Variants in BOP1 observed in about 807,000 individuals in gnomAD.
BOP1 encodes the protein BOP1 ribosomal biogenesis factor, also known as ribosome biogenesis protein BOP1.
A neutral mutation model predicts 82.9 loss-of-function variants in BOP1; 54 were observed. The ratio of observed to expected loss-of-function variants is 0.65; its 90% CI spans 0.52 to 0.82. BOP1 has a LOEUF of 0.82. Among genes scored for constraint, BOP1 ranks in the 40% least tolerant of loss-of-function variants. The pLI is 0.00. For missense variants in BOP1, 1,170 were observed against 1,072.0 expected, an observed-to-expected ratio of 1.09 and a Z score of -1.28; for synonymous variants, 566 against 451.1, an observed-to-expected ratio of 1.25 and a Z score of -3.23.
rs782409110 is a variant in BOP1 at position 144,263,129 on chromosome 8, C to T, written c.1618G>A (p.Val540Met). 1.0e-5 allele frequency: 16 copies of T among 1,593,720 alleles called. No homozygotes were observed. The highest frequency in any genetic ancestry group is 1.3e-5 in the African/African-American group (1 of 74,800). ...RICHGKPVTQVTWHGRGDYLA... is the reference protein window; with the variant it reads ...RICHGKPVTQMTWHGRGDYLA... ...TAGTCCCCACGCCCGTGCCAGGTCA[C>T]CTGCGTCACTGGCTGCAGGAGAGCA... The change falls in exon 13 of 16, where the codon GTG becomes ATG. Residue 540 changes from valine (V) to methionine (M), a missense_variant. By Grantham distance (21) the Val-to-Met change is conservative (BLOSUM62 1). Coordinates refer to ENST00000569669, the MANE Select transcript of BOP1 (RefSeq NM_015201.5).
intron 3 of BOP1, among the ~76,000 whole-genome samples, chr8:144,267,505 T>C (rs1845403622): frequency 6.6e-6 from 1 of 152,290 alleles, no homozygotes; most frequent in East Asian, 1.9e-4. Flanking sequence ...CCCTTTTCAG[T>C]AAGTTGAAAG....
chr8:144,276,570 G>A (rs1225808232), intron 2 of BOP1, among the ~76,000 whole-genome samples: 1 of 152,158 alleles, frequency 6.6e-6, no homozygotes, highest in Non-Finnish European at 1.5e-5. Flanking sequence ...GCTGACACGG[G>A]TGTCAGGCTA....
intron 3 of BOP1, chr8:144,267,965 C>T: frequency 7.4e-7 from 1 of 1,346,378 alleles, no homozygotes; most frequent in Non-Finnish European, 1.0e-6. Flanking sequence ...CCCCAAAACG[C>T]TTGAGGGAAG....
intron 3 of BOP1, among the ~76,000 whole-genome samples, chr8:144,275,108 G>A (rs1437739663): frequency 2.0e-5 from 3 of 152,086 alleles, no homozygotes; most frequent in Non-Finnish European, 2.9e-5. Context: ...GGAAGAACCT[G>A]GGGGGAGGGG....
intron 3 of BOP1, among the ~76,000 whole-genome samples, chr8:144,269,886 G>A (rs1387163975): frequency 6.6e-6 from 1 of 152,200 alleles, no homozygotes; most frequent in Admixed American, 6.5e-5. Context: ...CCAGGAGCAT[G>A]GCCAGGCCGG....
Position 144,291,423 on chromosome 8 carries a change from G to C in BOP1, c.-53C>G. Reference sequence around the variant, plus strand: ...CACAGCCGCTTCCGACAGCGACCGGGCCGCGTGCGCAGGAGGACGCGCCCC... The same window carrying C: ...CACAGCCGCTTCCGACAGCGACCGGCCCGCGTGCGCAGGAGGACGCGCCCC... On this transcript the variant is annotated 5_prime_UTR_variant, in exon 1 of 16. Transcript: ENST00000569669. The surrounding 1 kb of genome is among the most constrained non-coding windows in gnomAD (Gnocchi z 4.1). The C allele has an allele frequency of 9.3e-7, 1 of 1,072,450 alleles. No homozygotes were observed. The highest frequency in any genetic ancestry group is 1.1e-6 in the Non-Finnish European group (1 of 878,856). 66.4% of individuals were successfully genotyped at this position (1,072,450 alleles called of 1,614,324 possible).
chr8:144,270,693 T>C (rs993751311), intron 3 of BOP1, among the ~76,000 whole-genome samples: 6 of 151,912 alleles, frequency 3.9e-5, no homozygotes, highest in African/African-American at 1.4e-4. Context: ...CCCACCCGAA[T>C]CCACTCGTAG....
intron 2 of BOP1, among the ~76,000 whole-genome samples, chr8:144,277,154 C>T (rs1845579845): frequency 6.6e-6 from 1 of 152,166 alleles, no homozygotes; most frequent in African/African-American, 2.4e-5. Context: ...CGAAGGCGGG[C>T]ACGCCCCCGC....
intron 3 of BOP1, among the ~76,000 whole-genome samples, chr8:144,269,876 C>G (rs1449797813): frequency 1.3e-5 from 2 of 152,172 alleles, no homozygotes; most frequent in Non-Finnish European, 2.9e-5. Context: ...CAGGGTGGAC[C>G]CAGGAGCATG....
rs1379213483 is a variant in BOP1, at chr8:144,263,203, C to G, written c.1605+18G>C. On this transcript the variant is annotated intron_variant, in intron 12 of 15. Coordinates refer to ENST00000569669, the MANE Select transcript of BOP1 (RefSeq NM_015201.5). The stretch of plus-strand genomic sequence containing the variant: ...GGCCCCTCCCGCTGCAGCCTCACCC[C>G]CAAGGCGCCCCACGTACCTTCCCGT... The G allele has an allele frequency of 3.1e-6, 5 of 1,593,744 alleles. No homozygotes were observed. The highest frequency in any genetic ancestry group is 2.2e-5 in the East Asian group (1 of 44,758).
chr8:144,276,782 A>G (rs1845573658), intron 2 of BOP1, among the ~76,000 whole-genome samples: 1 of 152,210 alleles, frequency 6.6e-6, no homozygotes, highest in Non-Finnish European at 1.5e-5. Context: ...CAGCAGGGTC[A>G]CTGGGGCCAA....
At chr8:144,276,501 C>G (rs1157504231) in intron 2 of BOP1, among the ~76,000 whole-genome samples, 197 bp from the exon 3 acceptor site, 2 of 152,210 alleles carry the variant, frequency 1.3e-5, no homozygotes, top group Non-Finnish European at 2.9e-5. Flanking sequence ...GCAGGTCCTG[C>G]CCACGGCCCT....
At position 144,262,109 on chromosome 8, in the gene BOP1, G is replaced by A. The variant is rs1845194243; in HGVS notation, c.*55C>T. On this transcript the variant is annotated 3_prime_UTR_variant, in exon 16 of 16. Transcript: ENST00000569669. ...AGGTGGGAGCACCAGGCAGCACAGG[G>A]TAAAGGCTCTGTTGACTTCAGCACG... 6.2e-7 allele frequency: 1 copy of A among 1,609,096 alleles called. No individual in the cohort carries two copies. The highest frequency in any genetic ancestry group is 8.5e-7 in the Non-Finnish European group (1 of 1,179,162).
At chr8:144,268,459 A>C (rs1273274775) in intron 3 of BOP1, 1 of 523,232 alleles carries the variant, frequency 1.9e-6, no homozygotes, top group Non-Finnish European at 3.4e-6. Flanking sequence ...TGTATAATTA[A>C]AAACAAAACA....
At position 144,276,310 on chromosome 8, in the gene BOP1, G is replaced by A; in HGVS notation, c.310-6C>T. 1 of 1,452,370 alleles carries A rather than the reference G, an allele frequency of 6.9e-7. No homozygotes were observed. The highest frequency in any genetic ancestry group is 1.2e-5 in the South Asian group (1 of 85,876). 90.0% of individuals were successfully genotyped at this position (1,452,370 alleles called of 1,614,324 possible). A position where few individuals can be genotyped will look rare whatever the true frequency, so the allele number is the denominator to read the frequency against. On this transcript the variant is annotated splice_polypyrimidine_tract_variant and splice_region_variant and intron_variant, in intron 2 of 15. Transcript: ENST00000569669. Reference sequence around the variant, plus strand: ...CTCGGGCAAGGAGTGCTGGCCTGCAGAGAGAGAGAGAAAATGGTCACTTCA... The same window carrying A: ...CTCGGGCAAGGAGTGCTGGCCTGCAAAGAGAGAGAGAAAATGGTCACTTCA...
In BOP1 at chr8:144,264,010, A is replaced by G. The variant is rs1845299801; in HGVS notation, c.1111T>C (p.Tyr371His). 1 of 1,609,116 alleles carries G rather than the reference A, an allele frequency of 6.2e-7. No individual in the cohort carries two copies. Among genetic ancestry groups the G allele is most frequent in the East Asian group, 2.2e-5 (1 of 44,900 alleles). ...ATCTTGCGCTGCCGTGGGCACAGGT[A>G]CAGGTCAAGGCAGCGCTCGAAGCGT... Reference protein sequence around the residue: ...QERFERCLDLYLCPRQRKMRV... With the variant: ...QERFERCLDLHLCPRQRKMRV... Residue 371 changes from tyrosine (Y) to histidine (H), a missense_variant, in exon 8 of 16, where the codon TAC becomes CAC. Tyr to His is a moderately conservative substitution (Grantham distance 83). Coordinates refer to ENST00000569669, the MANE Select transcript of BOP1 (RefSeq NM_015201.5).
intron 2 of BOP1, among the ~76,000 whole-genome samples, chr8:144,277,218 T>C (rs1189622697): frequency 2.0e-5 from 3 of 152,092 alleles, no homozygotes; most frequent in Admixed American, 2.0e-4. Context: ...TGCCTGTTTT[T>C]TCCTTCAATA....
At position 144,291,163 on chromosome 8, in the gene BOP1, G is replaced by A; in HGVS notation, c.99+109C>T. On this transcript the variant is annotated intron_variant, in intron 1 of 15. Transcript: ENST00000569669. The surrounding 1 kb of genome is among the most constrained non-coding windows in gnomAD (Gnocchi z 4.1). ...CACCCACGCCCAAGACCGATTCACTGGGCGCGGGCGCCCAGGTGACAGAAG... is the reference window on the plus strand; with the variant it reads ...CACCCACGCCCAAGACCGATTCACTAGGCGCGGGCGCCCAGGTGACAGAAG... The A allele has an allele frequency of 1.0e-6, 1 of 955,140 alleles. No homozygotes were observed. Among genetic ancestry groups the A allele is most frequent in the Non-Finnish European group, 1.4e-6 (1 of 726,700 alleles). The allele number at this position is 955,140 out of a possible 1,614,324, so 59.2% of individuals were successfully genotyped here.
At chr8:144,269,734 G>A (rs984835791) in intron 3 of BOP1, among the ~76,000 whole-genome samples, 5 of 152,206 alleles carry the variant, frequency 3.3e-5, no homozygotes, top group South Asian at 4.1e-4. Flanking sequence ...GCCTCCGCCC[G>A]CCGGGAAGCC....
Sources: allele counts gnomAD v4.1 joint callset (sites outside exome capture counted in the v4.1 genomes callset), GRCh38; gene constraint gnomAD v4.1.1; non-coding constraint Gnocchi (gnomAD v3.1); transcripts MANE v1.5; gene names NCBI Gene and HGNC (gene_info 2026-07-23, HGNC 2026-07-21).